SORCS2: variants seen among roughly 807,000 people sequenced by gnomAD.
SORCS2 encodes the protein sortilin related VPS10 domain containing receptor 2.
A neutral mutation model predicts 141.6 loss-of-function variants in SORCS2; 100 were observed. The observed-to-expected ratio is 0.71, with a 90% CI of 0.60 to 0.83. The LOEUF (loss-of-function observed/expected upper bound fraction) is 0.83, where lower values mean the gene tolerates loss of function less well. Ranked by LOEUF, SORCS2 falls within the 40% of genes least tolerant of loss-of-function variation. The pLI, the probability that SORCS2 is intolerant of heterozygous loss-of-function variation, is 0.00. For missense variants in SORCS2, 1,646 were observed against 1,560.2 expected, an observed-to-expected ratio of 1.05 and a Z score of -0.93; for synonymous variants, 789 against 676.9, an observed-to-expected ratio of 1.17 and a Z score of -2.57.
At chr4:7,563,851 T>C (rs1023720246) in intron 3 of SORCS2, among the ~76,000 whole-genome samples, 1 of 152,246 alleles carries the variant, frequency 6.6e-6, no homozygotes, top group African/African-American at 2.4e-5. Flanking sequence ...TCCGAGGGCC[T>C]TGTTGCTTTT....
chr4:7,603,192 G>T (rs576102775), intron 3 of SORCS2, among the ~76,000 whole-genome samples: 1 of 151,932 alleles, frequency 6.6e-6, no homozygotes, highest in Non-Finnish European at 1.5e-5. Context: ...GGGGGAGGGG[G>T]AGGGGGAGAG....
chr4:7,676,638 TCCCTCTCTCC>T (rs1450235106), intron 9 of SORCS2, among the ~76,000 whole-genome samples: 1 of 149,676 alleles, frequency 6.7e-6, no homozygotes, highest in East Asian at 1.9e-4. Flanking sequence ...CCCATCTCTC[TCCCTCTCTCC>T]CTCTCTCTCT....
chr4:7,498,803 G>A lies in SORCS2; in HGVS notation c.549-32727G>A, dbSNP rs536872661. ...GGGAATGCCAGCATGAGCAACCCCT[G>A]GCCCTCCCTCTGCGGGTGTCCATGG... On this transcript the variant is annotated intron_variant, in intron 2 of 26. Transcript: ENST00000507866. Among the ~76,000 whole-genome samples the A allele has an allele frequency of 4.6e-5, 7 of 152,362 alleles. No individual in the cohort carries two copies. The East Asian group carries it at 1.3e-3, about 29-fold the overall frequency.
At chr4:7,281,016 C>G (rs1229059069) in intron 1 of SORCS2, among the ~76,000 whole-genome samples, 1 of 152,204 alleles carries the variant, frequency 6.6e-6, no homozygotes, top group Non-Finnish European at 1.5e-5. Context: ...TAGTTGAGTA[C>G]AGCCCTGCCA....
At chr4:7,459,814 G>A (rs974683948) in intron 2 of SORCS2, among the ~76,000 whole-genome samples, 1 of 152,222 alleles carries the variant, frequency 6.6e-6, no homozygotes, top group African/African-American at 2.4e-5. Context: ...TGTGAAGCCA[G>A]CCTGGTCACA....
At chr4:7,682,642 C>T in intron 9 of SORCS2, 101 bp from the exon 10 acceptor site, 1 of 1,178,730 alleles carries the variant, frequency 8.5e-7, no homozygotes, top group Admixed American at 2.4e-5. Context: ...AATGAGGCCA[C>T]ATGTGCAGAG....
chr4:7,634,382 AAAAG>A (rs1213721969), intron 3 of SORCS2, among the ~76,000 whole-genome samples: 1 of 152,046 alleles, frequency 6.6e-6, no homozygotes, highest in East Asian at 1.9e-4. Context: ...AAAAAAAAAA[AAAAG>A]AACCTAGGGA....
intron 18 of SORCS2, 119 bp from the exon 19 acceptor site, chr4:7,723,578 G>A (rs1726745641): frequency 8.5e-7 from 1 of 1,176,410 alleles, no homozygotes. Context: ...GCCCACTCAT[G>A]TCAAGGAAGG....
In SORCS2 at chr4:7,629,386, C is replaced by T. The variant is rs751446934; in HGVS notation, c.649-8942C>T. On this transcript the variant is annotated intron_variant, in intron 3 of 26. Coordinates refer to ENST00000507866, the MANE Select transcript of SORCS2 (RefSeq NM_020777.3). ...GGCCAGAGCCAGGTGAGAGGGACCT[C>T]GGATGTGGAACAAACATGGGTGTGA... Among the ~76,000 whole-genome samples, 10 of 152,088 alleles carry T rather than the reference C, an allele frequency of 6.6e-5. No individual in the cohort carries two copies. The East Asian group carries it at 1.2e-3, about 18-fold the overall frequency.
intron 8 of SORCS2, among the ~76,000 whole-genome samples, chr4:7,672,527 T>C (rs1722860805): frequency 6.6e-6 from 1 of 152,346 alleles, no homozygotes; most frequent in South Asian, 2.1e-4. Flanking sequence ...TTAAAATGCA[T>C]TCACTACAAC....
At chr4:7,499,542 C>T (rs184333424) in intron 2 of SORCS2, among the ~76,000 whole-genome samples, 1 of 152,016 alleles carries the variant, frequency 6.6e-6, no homozygotes, top group Non-Finnish European at 1.5e-5. Context: ...AGAGGAGGAT[C>T]GCAGGTGGTA....
At chr4:7,429,096 G>A (rs1434671343) in intron 2 of SORCS2, among the ~76,000 whole-genome samples, 1 of 152,208 alleles carries the variant, frequency 6.6e-6, no homozygotes, top group Non-Finnish European at 1.5e-5. Context: ...GGGTGGCAGA[G>A]TTGTTGACTT....
intron 1 of SORCS2, among the ~76,000 whole-genome samples, chr4:7,335,045 G>A (rs3892210): frequency 0.15 from 22,493 of 152,114 alleles, 1,807 homozygotes; most frequent in Middle Eastern, 0.25. Flanking sequence ...CTCAGTAGCA[G>A]TGGGGAGCCA....
chr4:7,391,422 G>A (rs550491615), intron 1 of SORCS2, among the ~76,000 whole-genome samples: 1 of 152,308 alleles, frequency 6.6e-6, no homozygotes, highest in East Asian at 1.9e-4. Flanking sequence ...AGGCAAGTTG[G>A]ACGGCTCAGC....
intron 3 of SORCS2, among the ~76,000 whole-genome samples, chr4:7,547,560 C>T (rs942442314): frequency 2.6e-5 from 4 of 152,234 alleles, no homozygotes; most frequent in Admixed American, 1.3e-4. Context: ...GCCCATGCTC[C>T]GACACATCTG....
At chr4:7,583,275 G>A (rs1453335821) in intron 3 of SORCS2, among the ~76,000 whole-genome samples, 1 of 152,144 alleles carries the variant, frequency 6.6e-6, no homozygotes, top group Non-Finnish European at 1.5e-5. Flanking sequence ...TGGAAGGCAT[G>A]CCCACTTTCG....
chr4:7,556,687 C>G (rs1207213753), intron 3 of SORCS2, among the ~76,000 whole-genome samples: 1 of 152,048 alleles, frequency 6.6e-6, no homozygotes, highest in African/African-American at 2.4e-5. Context: ...CAGTCACCCA[C>G]CTACCCTTCC....
At chr4:7,387,543 A>T (rs1379427518) in intron 1 of SORCS2, among the ~76,000 whole-genome samples, 1 of 150,640 alleles carries the variant, frequency 6.6e-6, no homozygotes, top group African/African-American at 2.4e-5. Flanking sequence ...ATGCACACAC[A>T]TGCACATACA....
chr4:7,729,725 G>C lies in SORCS2; in HGVS notation c.3108+13G>C. 1 of 1,607,588 alleles carries C rather than the reference G, an allele frequency of 6.2e-7. No individual in the cohort carries two copies. The highest frequency in any genetic ancestry group is 1.1e-5 in the South Asian group (1 of 89,848). ...CTCGAGTGATAAGGTATGTCCTGTG[G>C]CCGCTGCACTCCCAGGTCCTCCCTG... On this transcript the variant is annotated intron_variant, in intron 23 of 26. Coordinates refer to ENST00000507866, the MANE Select transcript of SORCS2 (RefSeq NM_020777.3).
Sources: gnomAD v4.1 joint callset for allele counts (sites outside exome capture counted in the v4.1 genomes callset) on GRCh38, gnomAD v4.1.1 for gene constraint, MANE v1.5 for transcripts, NCBI Gene and HGNC (gene_info 2026-07-23, HGNC 2026-07-21) for gene names.